The following CLTCL1 variants were observed in gnomAD, a reference collection of about 807,000 sequenced individuals.
CLTCL1 encodes the protein clathrin heavy chain 2.
In CLTCL1, 159 loss-of-function variants were observed where a neutral mutation model predicts 190.0. The observed-to-expected ratio is 0.84, with a 90% CI of 0.74 to 0.95. CLTCL1 has a LOEUF of 0.95. Ranked by LOEUF, CLTCL1 falls within the 40% of genes least tolerant of loss-of-function variation. The probability of loss-of-function intolerance (pLI) is 0.00; values close to 1 mark genes in which losing one functional copy is unlikely to be tolerated. For synonymous variants in CLTCL1, 752 were observed against 769.6 expected (o/e 0.98, Z 0.38); for missense variants, 1,878 against 2,033.4 (o/e 0.92, Z 1.47).
intron 3 of CLTCL1, among the ~76,000 whole-genome samples, chr22:19,251,419 A>G (rs2086587170): frequency 6.6e-6 from 1 of 152,110 alleles, no homozygotes; most frequent in East Asian, 1.9e-4. Flanking sequence ...CTGCAAATAG[A>G]GACAGCTTTA....
At chr22:19,184,226 G>A in intron 29 of CLTCL1, 1 of 318,932 alleles carries the variant, frequency 3.1e-6, no homozygotes, top group Non-Finnish European at 6.2e-6. Context: ...TATGGCAGGG[G>A]CTATTAGTAC....
chr22:19,276,809 T>A (rs1268820178), intron 1 of CLTCL1, among the ~76,000 whole-genome samples: 7 of 152,012 alleles, frequency 4.6e-5, no homozygotes, highest in African/African-American at 7.3e-5. Context: ...AGCTGGGGCT[T>A]CAGGCGCCCG....
rs1307189104 is a variant in CLTCL1, at chr22:19,275,784, A to G, written c.89T>C (p.Leu30Pro). 2 of 1,609,522 alleles carry G rather than the reference A, an allele frequency of 1.2e-6. No homozygotes were observed. The highest frequency in any genetic ancestry group is 8.5e-7 in the Non-Finnish European group (1 of 1,177,950). Residue 30 changes from leucine (L) to proline (P), a missense_variant, in exon 2 of 33, where the codon CTG becomes CCG. Physicochemically the swap from Leu to Pro is moderately conservative, Grantham distance 98. Coordinates refer to ENST00000427926, the MANE Select transcript of CLTCL1 (RefSeq NM_007098.4). ...INPANIGFSTLTMESDKFICI... is the reference protein window; with the variant it reads ...INPANIGFSTPTMESDKFICI... The stretch of plus-strand genomic sequence containing the variant: ...TATGAACTTGTCAGATTCCATGGTC[A>G]GTGTGCTGAATCCAATGTTAGCTGG...
chr22:19,237,200 CA>C (rs1164684174), intron 5 of CLTCL1, among the ~76,000 whole-genome samples: 1 of 152,008 alleles, frequency 6.6e-6, no homozygotes, highest in Non-Finnish European at 1.5e-5. Context: ...TGGAGTTGGG[CA>C]CAGTGACACA....
intron 30 of CLTCL1, 93 bp downstream of exon 30, chr22:19,183,297 G>A (rs1555926615): frequency 2.6e-6 from 3 of 1,138,594 alleles, no homozygotes; most frequent in African/African-American, 3.1e-5. Context: ...TGGCCTCAAA[G>A]GGGCCCACCC....
At chr22:19,200,328 A>G (rs1380328146) in intron 23 of CLTCL1, among the ~76,000 whole-genome samples, 4 of 152,244 alleles carry the variant, frequency 2.6e-5, no homozygotes, top group African/African-American at 9.6e-5. Context: ...AAATAATCAC[A>G]TAAGCCAGTG....
chr22:19,258,198 G>A (rs561115575), intron 2 of CLTCL1: 5 of 340,702 alleles, frequency 1.5e-5, no homozygotes, highest in East Asian at 7.4e-5. Flanking sequence ...CTACAAGCCC[G>A]TATTACTAGC....
chr22:19,239,484 C>A, intron 4 of CLTCL1, 96 bp from the exon 5 acceptor site: 1 of 838,782 alleles, frequency 1.2e-6, no homozygotes. Context: ...CAGCTCCACA[C>A]ACTGGATGAT....
chr22:19,275,597 C>T (rs1807821578), intron 2 of CLTCL1, 26 bp downstream of exon 2: 3 of 1,566,998 alleles, frequency 1.9e-6, no homozygotes, highest in Non-Finnish European at 2.6e-6. Flanking sequence ...GGTAAGATTC[C>T]TTTCTAACAA....
intron 3 of CLTCL1, among the ~76,000 whole-genome samples, chr22:19,252,760 A>G (rs958026232): frequency 1.4e-4 from 22 of 152,328 alleles, no homozygotes; most frequent in Admixed American, 5.2e-4. Flanking sequence ...CACGCCTGTA[A>G]TCCCAGCACT....
Position 19,232,618 on chromosome 22 carries a change from A to C in CLTCL1, c.1522-20T>G, listed in dbSNP as rs1247366744. 1.3e-6 allele frequency: 2 copies of C among 1,597,326 alleles called. No individual in the cohort carries two copies. The highest frequency in any genetic ancestry group is 2.7e-5 in the African/African-American group (2 of 74,416). On this transcript the variant is annotated intron_variant, in intron 9 of 32. Transcript: ENST00000427926. The stretch of plus-strand genomic sequence containing the variant: ...CCCAACCTAGAAGCAAGGGAGCACC[A>C]ATCAGGAAAATCAATGAAAAACCCT...
At chr22:19,245,495 C>T (rs181655744) in intron 3 of CLTCL1, among the ~76,000 whole-genome samples, 56 of 152,022 alleles carry the variant, frequency 3.7e-4, no homozygotes, top group African/African-American at 1.3e-3. Context: ...CCTGGCTTCC[C>T]CTCCCCTTTT....
At chr22:19,186,805 TG>T (rs1246725603) in intron 29 of CLTCL1, among the ~76,000 whole-genome samples, 9 of 152,146 alleles carry the variant, frequency 5.9e-5, no homozygotes, top group African/African-American at 2.2e-4. Context: ...TTCACCATAT[TG>T]GCCAGGCTGG....
At chr22:19,194,069 C>T (rs2084612320) in intron 26 of CLTCL1, among the ~76,000 whole-genome samples, 1 of 152,190 alleles carries the variant, frequency 6.6e-6, no homozygotes, top group Non-Finnish European at 1.5e-5. Context: ...GTCCATTCTA[C>T]AGAGTGCTGA....
At chr22:19,262,523 T>C (rs2146184856) in intron 2 of CLTCL1, among the ~76,000 whole-genome samples, 1 of 150,846 alleles carries the variant, frequency 6.6e-6, no homozygotes, top group African/African-American at 2.4e-5. Context: ...TCCCACCTAT[T>C]TGGGAGGCTG....
Position 19,244,402 on chromosome 22 carries a change from G to C in CLTCL1, c.520-1466C>G, listed in dbSNP as rs2086353733. ...CAGAAAAGGAAAATTTATTGAGACA[G>C]AAAATAGATTAGTGGTTGCCAAAGG... On this transcript the variant is annotated intron_variant, in intron 3 of 32. Coordinates refer to ENST00000427926, the MANE Select transcript of CLTCL1 (RefSeq NM_007098.4). Among the ~76,000 whole-genome samples the C allele has an allele frequency of 2.0e-5, 3 of 152,178 alleles. No homozygotes were observed. The South Asian group carries it at 6.2e-4, about 31-fold the overall frequency.
intron 4 of CLTCL1, among the ~76,000 whole-genome samples, chr22:19,240,499 T>C (rs1555964854): frequency 1.3e-5 from 2 of 151,626 alleles, no homozygotes; most frequent in Admixed American, 1.3e-4. Context: ...GCCGGGCCAA[T>C]GGGGGAGGCT....
chr22:19,220,950 C>T (rs562842104), intron 17 of CLTCL1, among the ~76,000 whole-genome samples: 1 of 152,160 alleles, frequency 6.6e-6, no homozygotes, highest in South Asian at 2.1e-4. Context: ...GAGGGTTACC[C>T]CAAAAAGGGG....
At chr22:19,226,640 G>C (rs967927142) in intron 11 of CLTCL1, among the ~76,000 whole-genome samples, 20 of 152,250 alleles carry the variant, frequency 1.3e-4, no homozygotes, top group Non-Finnish European at 1.9e-4. Flanking sequence ...TGGTCACAGA[G>C]TTGGGCCTGT....
Sources: gnomAD v4.1 joint callset for allele counts (sites outside exome capture counted in the v4.1 genomes callset) on GRCh38, gnomAD v4.1.1 for gene constraint, MANE v1.5 for transcripts, NCBI Gene and HGNC (gene_info 2026-07-23, HGNC 2026-07-21) for gene names.